NOL4L: variants seen among roughly 807,000 people sequenced by gnomAD.
NOL4L encodes nucleolar protein 4 like, also known as nucleolar protein 4-like.
NOL4L carries 7 observed loss-of-function variants against 64.5 expected under a neutral mutation model. That is an observed-to-expected ratio of 0.11 (90% confidence interval 0.06 to 0.20). The LOEUF is 0.20. NOL4L is among the 10% of genes least tolerant of loss of function. The probability of loss-of-function intolerance (pLI) is 1.00; values close to 1 mark genes in which losing one functional copy is unlikely to be tolerated. For missense variants in NOL4L, 680 were observed against 967.1 expected (o/e 0.70, Z 3.94); for synonymous variants, 413 against 401.0 (o/e 1.03, Z -0.36).
At chr20:32,499,981 G>C (rs983806152) in intron 4 of NOL4L, among the ~76,000 whole-genome samples, 2 of 152,102 alleles carry the variant, frequency 1.3e-5, no homozygotes, top group Non-Finnish European at 2.9e-5. Flanking sequence ...AGTTTTAAAG[G>C]TGTCATCTCA....
chr20:32,493,602 G>T (rs293547), intron 4 of NOL4L, among the ~76,000 whole-genome samples: 13,797 of 152,242 alleles, frequency 0.091, 930 homozygotes, highest in African/African-American at 0.19. Context: ...TAAATGCAGC[G>T]ATAGCTGAAG....
At chr20:32,467,761 C>G (rs549394969) in intron 5 of NOL4L, among the ~76,000 whole-genome samples, 1 of 152,206 alleles carries the variant, frequency 6.6e-6, no homozygotes, top group East Asian at 1.9e-4. Context: ...TGGCACCCGC[C>G]CAAGGCTGCC....
rs573546286 is a variant in NOL4L at position 32,568,950 on chromosome 20, A to G, written c.321+15620T>C. ...TGCTTCTCCATTTTGCAAAGGAGAA[A>G]ACTGAGGCACAAAATGGATAAAGAC... On this transcript the variant is annotated intron_variant, in intron 1 of 10. Coordinates refer to ENST00000621426, the MANE Select transcript of NOL4L (RefSeq NM_001256798.2). Among the ~76,000 whole-genome samples the G allele has an allele frequency of 6.6e-5, 10 of 152,320 alleles. No individual in the cohort carries two copies. The Middle Eastern group carries it at 0.014, about 207-fold the overall frequency.
chr20:32,453,519 AGG>A lies in NOL4L; in HGVS notation c.1306-26_1306-25del. On this transcript the variant is annotated intron_variant, in intron 7 of 10. Transcript: ENST00000621426. This position sits in a 1 kb window ranked among gnomAD's most constrained non-coding sequence, Gnocchi z 5.6. Reference sequence around the variant, plus strand: ...ATCTGTGGAGACACGGGCCATGGGAAGGGCTGGCCCTGGCCTTGCCCCCATCC... The same window carrying A: ...ATCTGTGGAGACACGGGCCATGGGAAGCTGGCCCTGGCCTTGCCCCCATCC... 1.2e-6 allele frequency: 2 copies of A among 1,613,314 alleles called. No homozygotes were observed. Among genetic ancestry groups the A allele is most frequent in the Non-Finnish European group, 1.7e-6 (2 of 1,179,276 alleles).
intron 2 of NOL4L, among the ~76,000 whole-genome samples, chr20:32,522,306 G>A (rs77166724): frequency 9.3e-4 from 141 of 152,362 alleles, no homozygotes; most frequent in East Asian, 5.4e-3. Context: ...CAGGCTCCTT[G>A]ATGAGTTATC....
chr20:32,562,732 C>T (rs897753129), intron 1 of NOL4L, among the ~76,000 whole-genome samples: 7 of 151,724 alleles, frequency 4.6e-5, no homozygotes, highest in African/African-American at 1.5e-4. Context: ...CACAGCTTCC[C>T]GGCTGGCACT....
chr20:32,493,033 T>C (rs972136413), intron 4 of NOL4L, among the ~76,000 whole-genome samples: 1 of 152,204 alleles, frequency 6.6e-6, no homozygotes, highest in African/African-American at 2.4e-5. Flanking sequence ...GAGATTTCCC[T>C]TGGGCCAAGA....
At chr20:32,498,450 T>C (rs534590097) in intron 4 of NOL4L, among the ~76,000 whole-genome samples, 1 of 151,346 alleles carries the variant, frequency 6.6e-6, no homozygotes, top group East Asian at 2.0e-4. Flanking sequence ...TGATAAATCA[T>C]TCCCTCTCAA....
intron 4 of NOL4L, among the ~76,000 whole-genome samples, chr20:32,478,273 A>ACACACACACTCT (rs1373957221): frequency 5.6e-5 from 8 of 143,430 alleles, no homozygotes; most frequent in African/African-American, 1.6e-4. Context: ...ACACACACAC[A>ACACACACACTCT]CTCTCTCTCT....
At chr20:32,493,619 G>A (rs1049547019) in intron 4 of NOL4L, among the ~76,000 whole-genome samples, 1 of 152,236 alleles carries the variant, frequency 6.6e-6, no homozygotes, top group Admixed American at 6.5e-5. Context: ...GAAGAGGCCT[G>A]GACTGGTGCT....
chr20:32,488,698 T>C (rs1459179901), intron 4 of NOL4L, among the ~76,000 whole-genome samples: 1 of 152,196 alleles, frequency 6.6e-6, no homozygotes, highest in Admixed American at 6.5e-5. Context: ...GTGCACTGTG[T>C]TTACGGGGCA....
intron 4 of NOL4L, among the ~76,000 whole-genome samples, chr20:32,493,800 T>C (rs1271716407): frequency 6.6e-6 from 1 of 152,156 alleles, no homozygotes; most frequent in East Asian, 1.9e-4. Context: ...GGTCTGTCCA[T>C]GTGGAGCCGA....
chr20:32,534,376 G>A (rs2018444482), intron 1 of NOL4L, among the ~76,000 whole-genome samples: 1 of 152,226 alleles, frequency 6.6e-6, no homozygotes, highest in Non-Finnish European at 1.5e-5. Context: ...CCACGTGGGA[G>A]GGAGCCCAGG....
At chr20:32,517,711 G>A (rs776293298) in intron 3 of NOL4L, among the ~76,000 whole-genome samples, 3 of 152,202 alleles carry the variant, frequency 2.0e-5, no homozygotes, top group Admixed American at 1.3e-4. Context: ...CCACCTGGAC[G>A]TTGGCAGCCT....
At chr20:32,518,774 C>T (rs569045562) in intron 3 of NOL4L, among the ~76,000 whole-genome samples, 158 of 152,352 alleles carry the variant, frequency 1.0e-3, no homozygotes, top group Non-Finnish European at 1.9e-3. Flanking sequence ...CGGCCTAAAC[C>T]CTGGCAGGGT....
intron 1 of NOL4L, among the ~76,000 whole-genome samples, chr20:32,583,242 G>A (rs571526059): frequency 6.6e-6 from 1 of 151,582 alleles, no homozygotes; most frequent in Non-Finnish European, 1.5e-5. Flanking sequence ...CTGGGCGCGG[G>A]GGGAGGCGCC....
At chr20:32,468,521 C>G (rs961452170) in intron 5 of NOL4L, among the ~76,000 whole-genome samples, 28 of 152,164 alleles carry the variant, frequency 1.8e-4, no homozygotes, top group African/African-American at 6.8e-4. Flanking sequence ...AGTGCTAGGG[C>G]CTGGGGATAA....
intron 1 of NOL4L, among the ~76,000 whole-genome samples, chr20:32,578,108 A>AAAGGAAGGAAGGAAGG (rs1333476438): frequency 0.016 from 1,443 of 88,286 alleles, 50 homozygotes; most frequent in East Asian, 0.055. Flanking sequence ...AGAAAGAGAG[A>AAAGGAAGGAAGGAAGG]AAGGAAGGAA....
intron 1 of NOL4L, among the ~76,000 whole-genome samples, chr20:32,538,470 C>G (rs1037386593): frequency 1.0e-3 from 40 of 39,866 alleles, no homozygotes; most frequent in Admixed American, 6.2e-3. Flanking sequence ...TCGCTCCCTC[C>G]CTCCCTCCCT....
Sources: gnomAD v4.1 joint callset for allele counts (sites outside exome capture counted in the v4.1 genomes callset) on GRCh38, gnomAD v4.1.1 for gene constraint, Gnocchi (gnomAD v3.1) non-coding constraint, MANE v1.5 for transcripts, NCBI Gene and HGNC (gene_info 2026-07-23, HGNC 2026-07-21) for gene names.